MECOM: variants seen among roughly 807,000 people sequenced by gnomAD.
MECOM encodes the protein histone-lysine N-methyltransferase MECOM.
In MECOM, 13 loss-of-function variants were observed where a neutral mutation model predicts 116.3. The ratio of observed to expected loss-of-function variants is 0.11; its 90% CI spans 0.07 to 0.18. MECOM has a LOEUF of 0.18. Ranked by LOEUF, MECOM falls within the 10% of genes least tolerant of loss-of-function variation. MECOM has a pLI of 1.00. For missense variants in MECOM, 1,299 were observed against 1,509.0 expected, an observed-to-expected ratio of 0.86 and a Z score of 2.31; for synonymous variants, 528 against 535.2, an observed-to-expected ratio of 0.99 and a Z score of 0.19.
chr3:169,362,882 C>A (rs1345771443), intron 2 of MECOM, among the ~76,000 whole-genome samples: 2 of 151,960 alleles, frequency 1.3e-5, no homozygotes, highest in Non-Finnish European at 2.9e-5. Context: ...GCTTCCATTT[C>A]TGTGGGATCC....
At chr3:169,289,286 C>A (rs1203962069) in intron 2 of MECOM, among the ~76,000 whole-genome samples, 1 of 152,152 alleles carries the variant, frequency 6.6e-6, no homozygotes, top group East Asian at 1.9e-4. Context: ...GTAAATGAAA[C>A]AAGAACCTCC....
At chr3:169,265,623 A>AGAGGCT (rs1758182725) in intron 2 of MECOM, among the ~76,000 whole-genome samples, 1 of 152,218 alleles carries the variant, frequency 6.6e-6, no homozygotes, top group Non-Finnish European at 1.5e-5. Flanking sequence ...GGGAACCCAT[A>AGAGGCT]GGCCACTGGC....
chr3:169,595,193 C>A (rs942403803), intron 1 of MECOM, among the ~76,000 whole-genome samples: 18 of 152,226 alleles, frequency 1.2e-4, no homozygotes, highest in African/African-American at 4.1e-4. Flanking sequence ...ACAAAGCTTA[C>A]TTTTGTCTAC....
At chr3:169,473,494 G>A (rs570241670) in intron 1 of MECOM, among the ~76,000 whole-genome samples, 1 of 152,314 alleles carries the variant, frequency 6.6e-6, no homozygotes, top group African/African-American at 2.4e-5. Context: ...GATACGGCAG[G>A]GCGTGGTGGC....
At chr3:169,527,682 A>T (rs1758117100) in intron 1 of MECOM, among the ~76,000 whole-genome samples, 1 of 152,104 alleles carries the variant, frequency 6.6e-6, no homozygotes, top group Non-Finnish European at 1.5e-5. Flanking sequence ...ATTGTGCCAG[A>T]GATTGAATAA....
chr3:169,170,555 T>C (rs1744267314), intron 2 of MECOM, among the ~76,000 whole-genome samples: 1 of 152,132 alleles, frequency 6.6e-6, no homozygotes, highest in Non-Finnish European at 1.5e-5. Flanking sequence ...GGATGCTGAA[T>C]ATGTGTACTT....
intron 1 of MECOM, among the ~76,000 whole-genome samples, chr3:169,656,202 T>A (rs1373916474): frequency 6.6e-6 from 1 of 152,246 alleles, no homozygotes; most frequent in Non-Finnish European, 1.5e-5. Context: ...AACCTTGACA[T>A]ATACAACTAA....
chr3:169,259,292 C>T (rs1757244575), intron 2 of MECOM, among the ~76,000 whole-genome samples: 1 of 152,134 alleles, frequency 6.6e-6, no homozygotes, highest in Non-Finnish European at 1.5e-5. Flanking sequence ...TCACTTCCTC[C>T]TACATGTCTG....
chr3:169,516,207 A>G (rs1352055528), intron 1 of MECOM, among the ~76,000 whole-genome samples: 1 of 152,216 alleles, frequency 6.6e-6, no homozygotes, highest in Non-Finnish European at 1.5e-5. Context: ...ATCTAATAAA[A>G]AGGACTTCTA....
At chr3:169,133,984 T>C (rs1335505990) in intron 3 of MECOM, 15 of 1,288,446 alleles carry the variant, frequency 1.2e-5, no homozygotes, top group Non-Finnish European at 1.5e-5. Flanking sequence ...ATTTGAATTG[T>C]GACATATTAG....
In MECOM at chr3:169,663,534, CCCT is replaced by C. The variant is rs1480973272; in HGVS notation, c.-165_-163del. 8.1e-6 allele frequency: 5 copies of C among 614,132 alleles called. No individual in the cohort carries two copies. Among genetic ancestry groups the C allele is most frequent in the Admixed American group, 3.0e-5 (1 of 33,862 alleles). 38.0% of individuals were successfully genotyped at this position (614,132 alleles called of 1,614,324 possible). The stretch of plus-strand genomic sequence containing the variant: ...TCTCTCTCTCTCTCTCTCTCTCCCT[CCCT>C]CCTGTTTCTCTCCTGTTTCTCTCTC... On this transcript the variant is annotated 5_prime_UTR_variant, in exon 1 of 17. Coordinates refer to ENST00000651503, the MANE Select transcript of MECOM (RefSeq NM_004991.4).
intron 2 of MECOM, among the ~76,000 whole-genome samples, chr3:169,380,104 A>G (rs1305370026): frequency 6.6e-6 from 1 of 152,156 alleles, no homozygotes; most frequent in Non-Finnish European, 1.5e-5. Context: ...AAGAGGACAA[A>G]AAGTTGAAAT....
intron 2 of MECOM, among the ~76,000 whole-genome samples, chr3:169,301,835 A>G (rs1041146051): frequency 6.6e-6 from 1 of 152,194 alleles, no homozygotes; most frequent in African/African-American, 2.4e-5. Context: ...TGTAAAATTT[A>G]TAAACCCCAA....
intron 1 of MECOM, among the ~76,000 whole-genome samples, chr3:169,576,796 TACACAC>T (rs373881811): frequency 0.053 from 7,245 of 136,322 alleles, 253 homozygotes; most frequent in African/African-American, 0.084. Context: ...CTTCCTGTTT[TACACAC>T]ACACACACAC....
intron 2 of MECOM, among the ~76,000 whole-genome samples, chr3:169,233,981 A>G (rs1753720436): frequency 6.6e-6 from 1 of 152,196 alleles, no homozygotes; most frequent in South Asian, 2.1e-4. Flanking sequence ...CACAAAGTCT[A>G]TAACATAGTA....
intron 1 of MECOM, among the ~76,000 whole-genome samples, chr3:169,606,866 G>C (rs902313219): frequency 4.6e-5 from 7 of 152,178 alleles, no homozygotes; most frequent in Non-Finnish European, 7.4e-5. Flanking sequence ...ACATAATTCT[G>C]TTCACATTCT....
intron 5 of MECOM, 84 bp from the exon 6 acceptor site, chr3:169,122,811 T>A: frequency 6.7e-7 from 1 of 1,482,326 alleles, no homozygotes. Flanking sequence ...AACTGGTAAT[T>A]AAAGAAACAA....
At chr3:169,266,855 T>C (rs1758370698) in intron 2 of MECOM, among the ~76,000 whole-genome samples, 1 of 151,682 alleles carries the variant, frequency 6.6e-6, no homozygotes, top group South Asian at 2.1e-4. Context: ...TCCAATTTTA[T>C]TCAGGTCATT....
At chr3:169,188,589 G>A (rs1747078229) in intron 2 of MECOM, among the ~76,000 whole-genome samples, 1 of 151,926 alleles carries the variant, frequency 6.6e-6, no homozygotes, top group Non-Finnish European at 1.5e-5. Flanking sequence ...AGCCTACAGA[G>A]GAGCTATTGG....
Sources: allele counts gnomAD v4.1 joint callset (sites outside exome capture counted in the v4.1 genomes callset), GRCh38; gene constraint gnomAD v4.1.1; transcripts MANE v1.5; gene names NCBI Gene and HGNC (gene_info 2026-07-23, HGNC 2026-07-21).